Variants in GEMIN8 observed in about 807,000 individuals in gnomAD.
The protein encoded by GEMIN8 is gem-associated protein 8.
For synonymous variants in GEMIN8, 80 were observed against 78.5 expected (o/e 1.02, Z -0.10); for missense variants, 185 against 205.9 (o/e 0.90, Z 0.62).
chrX:14,006,390 G>A (rs1285465910), downstream of GEMIN8, among the ~76,000 whole-genome samples: 1 of 110,775 alleles, frequency 9.0e-6, no homozygotes, highest in Admixed American at 9.7e-5. Flanking sequence ...CAGGGACACA[G>A]GGAGAATAGC....
chrX:14,021,522 A>T lies in GEMIN8; in HGVS notation c.-33-11T>A. The stretch of plus-strand genomic sequence containing the variant: ...AAATGGGTGCTGAAACTAGGAAAGA[A>T]GAATCACAGTGCAAACGTCTGATCA... On this transcript the variant is annotated splice_polypyrimidine_tract_variant and intron_variant, in intron 2 of 4. Coordinates refer to ENST00000680255, the MANE Select transcript of GEMIN8 (RefSeq NM_001042479.2). 11 of 1,139,787 alleles carry T rather than the reference A, an allele frequency of 9.7e-6. No individual in the cohort carries two copies. Among genetic ancestry groups the T allele is most frequent in the Non-Finnish European group, 1.3e-5 (11 of 831,964 alleles). 93.9% of individuals were successfully genotyped at this position (1,139,787 alleles called of 1,213,427 possible). A position where few individuals can be genotyped will look rare whatever the true frequency, so the allele number is the denominator to read the frequency against.
chrX:14,027,569 A>G (rs1431942076), intron 1 of GEMIN8, among the ~76,000 whole-genome samples: 2 of 112,491 alleles, frequency 1.8e-5, no homozygotes, highest in Non-Finnish European at 3.8e-5. Context: ...CCCAACCCCA[A>G]TTTACCCTCT....
the GEMIN8 span, among the ~76,000 whole-genome samples, chrX:13,991,581 G>A: frequency 5.4e-5 from 6 of 111,741 alleles, no homozygotes; most frequent in South Asian, 1.9e-3. Context: ...GGTTTGATGC[G>A]TGGACAGGCC....
At chrX:14,022,061 T>C (rs1336682932) in intron 2 of GEMIN8, among the ~76,000 whole-genome samples, 1 of 102,362 alleles carries the variant, frequency 9.8e-6, no homozygotes, top group Non-Finnish European at 2.0e-5. Flanking sequence ...TATATATGTG[T>C]GTGTGTGTAT....
intron 2 of GEMIN8, among the ~76,000 whole-genome samples, chrX:14,024,781 G>T (rs1924587852): frequency 8.9e-6 from 1 of 111,835 alleles, no homozygotes; most frequent in African/African-American, 3.3e-5. Context: ...ATCAGCTAAG[G>T]TGCTAGACTC....
At chrX:14,017,985 G>C (rs1055339555) in intron 4 of GEMIN8, among the ~76,000 whole-genome samples, 3 of 112,205 alleles carry the variant, frequency 2.7e-5, no homozygotes, top group African/African-American at 9.7e-5. Flanking sequence ...GAAACACAGA[G>C]ATGAAGCTTA....
chrX:13,999,271 ATTT>A, the GEMIN8 span, among the ~76,000 whole-genome samples: 3 of 88,924 alleles, frequency 3.4e-5, no homozygotes, highest in Admixed American at 1.3e-4. Context: ...CTGTATGTAG[ATTT>A]TTTTTTTTTT....
At chrX:13,992,463 A>AGT in the GEMIN8 span, among the ~76,000 whole-genome samples, 1 of 111,297 alleles carries the variant, frequency 9.0e-6, no homozygotes, top group Admixed American at 9.6e-5. Flanking sequence ...CAGGGGTGGG[A>AGT]GTGTTCTGGG....
At chrX:13,991,028 G>A in the GEMIN8 span, among the ~76,000 whole-genome samples, 1 of 112,666 alleles carries the variant, frequency 8.9e-6, no homozygotes, top group Non-Finnish European at 1.9e-5. Flanking sequence ...CACTGCGCCT[G>A]GCCTGCACTT....
chrX:14,024,109 A>G lies in GEMIN8; in HGVS notation c.-34+2031T>C, dbSNP rs756029961. Among the ~76,000 whole-genome samples, 368 of 112,536 alleles carry G rather than the reference A, an allele frequency of 3.3e-3. 1 individual carries two copies. The highest frequency in any genetic ancestry group is 5.8e-3 in the Non-Finnish European group (309 of 53,274). On this transcript the variant is annotated intron_variant, in intron 2 of 4. Coordinates refer to ENST00000680255, the MANE Select transcript of GEMIN8 (RefSeq NM_001042479.2). ...GAGAGGCTCCATTTTGCAAAGCTGG[A>G]AGTTTAGGCATGTGAGATAAAGTAG...
the GEMIN8 span, among the ~76,000 whole-genome samples, chrX:13,999,893 T>G: frequency 4.5e-5 from 5 of 111,987 alleles, no homozygotes; most frequent in African/African-American, 1.6e-4. Context: ...CGACTGGTGA[T>G]GTTGACCTTG....
downstream of GEMIN8, among the ~76,000 whole-genome samples, chrX:14,003,205 A>G (rs1923032068): frequency 8.9e-6 from 1 of 112,614 alleles, no homozygotes; most frequent in Non-Finnish European, 1.9e-5. Flanking sequence ...TCAGCTCCAG[A>G]TTCAGCTCAG....
intron 4 of GEMIN8, among the ~76,000 whole-genome samples, chrX:14,015,664 A>C (rs182479162): frequency 1.6e-3 from 178 of 112,592 alleles, no homozygotes; most frequent in African/African-American, 5.4e-3. Flanking sequence ...AGTGAATAAT[A>C]CTGAAAAGTT....
the GEMIN8 span, among the ~76,000 whole-genome samples, chrX:13,999,632 C>T: frequency 1.8e-4 from 20 of 111,732 alleles, no homozygotes; most frequent in African/African-American, 6.5e-4. Flanking sequence ...GCTCCAAGAT[C>T]CCACATTGCA....
At chrX:14,003,498 G>A (rs1923040858), downstream of GEMIN8, among the ~76,000 whole-genome samples, 1 of 112,328 alleles carries the variant, frequency 8.9e-6, no homozygotes, top group Admixed American at 9.4e-5. Flanking sequence ...AATTTGTTTG[G>A]CAGCACAACC....
chrX:13,993,778 C>G, the GEMIN8 span, among the ~76,000 whole-genome samples: 1 of 110,863 alleles, frequency 9.0e-6, no homozygotes, highest in East Asian at 2.8e-4. Context: ...CTTCACTGTT[C>G]TTTTATCATT....
chrX:14,016,866 AATATATATAT>A (rs61127994), intron 4 of GEMIN8, among the ~76,000 whole-genome samples: 9 of 57,184 alleles, frequency 1.6e-4, no homozygotes, highest in African/African-American at 3.1e-4. Flanking sequence ...AAAAAAAAAA[AATATATATAT>A]ATATATATAT....
At chrX:14,025,311 G>A (rs1379592429) in intron 2 of GEMIN8, among the ~76,000 whole-genome samples, 6 of 106,834 alleles carry the variant, frequency 5.6e-5, no homozygotes, top group Admixed American at 1.0e-4. Context: ...AGTCTTTGTC[G>A]CATAGTCTTC....
the GEMIN8 span, among the ~76,000 whole-genome samples, chrX:13,995,951 T>C: frequency 2.7e-5 from 3 of 111,907 alleles, no homozygotes; most frequent in Admixed American, 1.9e-4. Context: ...TCAACATCCA[T>C]GCCTACCCTG....
Sources: allele counts gnomAD v4.1 joint callset (sites outside exome capture counted in the v4.1 genomes callset), GRCh38; gene constraint gnomAD v4.1.1; transcripts MANE v1.5; gene names NCBI Gene and HGNC (gene_info 2026-07-23, HGNC 2026-07-21).